Variants in PIK3C3 observed in about 807,000 individuals in gnomAD.
The protein encoded by PIK3C3 is phosphatidylinositol 3-kinase catalytic subunit type 3, also known as PI3-kinase type 3.
Under a neutral mutation model 126.1 loss-of-function variants are expected in PIK3C3, and 95 were observed. The observed-to-expected ratio is 0.75, with a 90% CI of 0.64 to 0.89. The LOEUF (loss-of-function observed/expected upper bound fraction) is 0.89, where lower values mean the gene tolerates loss of function less well. Ranked by LOEUF, PIK3C3 falls within the 40% of genes least tolerant of loss-of-function variation. The pLI, the probability that PIK3C3 is intolerant of heterozygous loss-of-function variation, is 0.00. For missense variants in PIK3C3, 829 were observed against 1,063.2 expected, an observed-to-expected ratio of 0.78 and a Z score of 3.06; for synonymous variants, 374 against 360.0, an observed-to-expected ratio of 1.04 and a Z score of -0.44.
At position 42,035,062 on chromosome 18, in the gene PIK3C3, A is replaced by G. The variant is rs559893006; in HGVS notation, c.1839+1105A>G. ...AATTTTTAAATGTTGCTTACAACCT[A>G]TTGGTTTTAAAACTCTCTAACAGAT... On this transcript the variant is annotated intron_variant, in intron 16 of 24. Coordinates refer to ENST00000262039, the MANE Select transcript of PIK3C3 (RefSeq NM_002647.4). 6.9e-4 allele frequency among the ~76,000 whole-genome samples: 105 copies of G among 152,158 alleles called. 1 individual carries two copies. Among genetic ancestry groups the G allele is most frequent in the Non-Finnish European group, 1.2e-3 (81 of 68,012 alleles).
At chr18:42,030,549 AAG>A (rs1983775356) in intron 15 of PIK3C3, among the ~76,000 whole-genome samples, 1 of 152,184 alleles carries the variant, frequency 6.6e-6, no homozygotes, top group South Asian at 2.1e-4. Context: ...ATCAGGTCTA[AAG>A]AGAAATGCTA....
intron 4 of PIK3C3, among the ~76,000 whole-genome samples, chr18:41,981,175 C>T (rs1981181473): frequency 6.6e-6 from 1 of 152,082 alleles, no homozygotes; most frequent in African/African-American, 2.4e-5. Context: ...ATTTTTAATG[C>T]TACCTTCTGT....
chr18:42,080,290 T>G (rs1986202614), intron 24 of PIK3C3, among the ~76,000 whole-genome samples: 1 of 152,146 alleles, frequency 6.6e-6, no homozygotes, highest in African/African-American at 2.4e-5. Flanking sequence ...TTTTCTAGAG[T>G]GACACTTTAA....
At chr18:42,045,625 G>A (rs886137632) in intron 20 of PIK3C3, among the ~76,000 whole-genome samples, 1 of 152,132 alleles carries the variant, frequency 6.6e-6, no homozygotes, top group Non-Finnish European at 1.5e-5. Context: ...TGGGAAGCTG[G>A]TACTATATCA....
intron 15 of PIK3C3, among the ~76,000 whole-genome samples, chr18:42,033,000 C>T (rs1260958921): frequency 6.6e-6 from 1 of 152,178 alleles, no homozygotes; most frequent in South Asian, 2.1e-4. Context: ...AGCACTTCAA[C>T]TTCCCAGTAG....
intron 14 of PIK3C3, among the ~76,000 whole-genome samples, chr18:42,028,651 G>A (rs1050938899): frequency 1.3e-5 from 2 of 152,026 alleles, no homozygotes; most frequent in Non-Finnish European, 2.9e-5. Flanking sequence ...CTCTAATCTC[G>A]TTTCTGTTAC....
intron 21 of PIK3C3, among the ~76,000 whole-genome samples, chr18:42,052,274 G>A (rs1368866411): frequency 6.6e-6 from 1 of 152,100 alleles, no homozygotes; most frequent in Non-Finnish European, 1.5e-5. Context: ...AATGGAAATT[G>A]AATTAAATTT....
chr18:41,989,910 G>T (rs1952965774), intron 5 of PIK3C3, among the ~76,000 whole-genome samples: 1 of 152,036 alleles, frequency 6.6e-6, no homozygotes, highest in Non-Finnish European at 1.5e-5. Flanking sequence ...TTAAAGTGTG[G>T]ATAAAAATTT....
chr18:42,007,012 C>A (rs369920998), intron 10 of PIK3C3, among the ~76,000 whole-genome samples: 1 of 151,806 alleles, frequency 6.6e-6, no homozygotes, highest in African/African-American at 2.4e-5. Context: ...TGCAGGTGCC[C>A]GCCACCACCC....
chr18:41,995,931 T>G lies in PIK3C3; in HGVS notation c.828T>G (p.Ser276Arg), dbSNP rs767104206. 6.2e-7 allele frequency: 1 copy of G among 1,613,214 alleles called. No homozygotes were observed. Among genetic ancestry groups the G allele is most frequent in the Non-Finnish European group, 8.5e-7 (1 of 1,179,424 alleles). ...VESKHHKLAR[S>R]LRSGPSDHDL... The stretch of plus-strand genomic sequence containing the variant: ...GCAAACACCACAAGCTTGCCCGGAG[T>G]TTAAGAAGTGGACCTTCTGACCACG... The change falls in exon 8 of 25, where the codon AGT (serine) becomes AGG (arginine). Residue 276 changes from serine (S) to arginine (R), a missense_variant. Coordinates refer to ENST00000262039, the MANE Select transcript of PIK3C3 (RefSeq NM_002647.4).
At chr18:42,019,076 A>G (rs912709666) in intron 12 of PIK3C3, among the ~76,000 whole-genome samples, 5 of 152,086 alleles carry the variant, frequency 3.3e-5, no homozygotes, top group African/African-American at 1.2e-4. Context: ...AATGGAAACA[A>G]TAGAAACCAC....
At chr18:42,077,295 T>G (rs1986067932) in intron 24 of PIK3C3, among the ~76,000 whole-genome samples, 1 of 152,240 alleles carries the variant, frequency 6.6e-6, no homozygotes, top group East Asian at 1.9e-4. Context: ...TGTAAATCTG[T>G]GAAGTTTGCC....
chr18:42,029,475 G>C, intron 15 of PIK3C3, 34 bp downstream of exon 15: 1 of 1,096,098 alleles, frequency 9.1e-7, no homozygotes, highest in Non-Finnish European at 1.4e-6. Context: ...GTTCCTAATA[G>C]CATCTTGGCA....
intron 6 of PIK3C3, among the ~76,000 whole-genome samples, chr18:41,991,529 T>G (rs1981777303): frequency 6.6e-6 from 1 of 152,196 alleles, no homozygotes; most frequent in South Asian, 2.1e-4. Context: ...CAAGCTGATA[T>G]GCAGTGTATT....
At chr18:42,037,078 T>C (rs1984088450) in intron 16 of PIK3C3, among the ~76,000 whole-genome samples, 1 of 152,208 alleles carries the variant, frequency 6.6e-6, no homozygotes. Flanking sequence ...AATATTTTAT[T>C]ATGTATATGC....
Position 42,084,454 on chromosome 18 carries a change from T to C in PIK3C3, c.*3317T>C, listed in dbSNP as rs945792288. The C allele has an allele frequency of 1.3e-5, 2 of 151,818 alleles. No individual in the cohort carries two copies. The highest frequency in any genetic ancestry group is 4.8e-5 in the African/African-American group (2 of 41,374). 9.4% of individuals were successfully genotyped at this position (151,818 alleles called of 1,614,324 possible). A position where few individuals can be genotyped will look rare whatever the true frequency, so the allele number is the denominator to read the frequency against. ...TATACTGATTTGCCAAAATGAGTAA[T>C]TTTGATATATTAATATTTCACTTAT... On this transcript the variant is annotated 3_prime_UTR_variant, in exon 25 of 25. Coordinates refer to ENST00000262039, the MANE Select transcript of PIK3C3 (RefSeq NM_002647.4).
At chr18:42,066,526 C>T (rs1598950484) in intron 23 of PIK3C3, among the ~76,000 whole-genome samples, 1 of 152,084 alleles carries the variant, frequency 6.6e-6, no homozygotes, top group Admixed American at 6.6e-5. Context: ...AAGCATGTGC[C>T]AGTTAAGGGT....
At chr18:42,054,151 TA>T (rs1984939894) in intron 21 of PIK3C3, among the ~76,000 whole-genome samples, 1 of 27,286 alleles carries the variant, frequency 3.7e-5, no homozygotes, top group Non-Finnish European at 7.0e-5. Flanking sequence ...TATATATATA[TA>T]TATATATATA....
intron 9 of PIK3C3, among the ~76,000 whole-genome samples, chr18:42,002,103 G>C (rs1432360543): frequency 6.6e-5 from 10 of 152,174 alleles, no homozygotes; most frequent in African/African-American, 2.4e-4. Flanking sequence ...TCATTTAAAT[G>C]ACAGTAGTAA....
Sources: allele counts gnomAD v4.1 joint callset (sites outside exome capture counted in the v4.1 genomes callset), GRCh38; gene constraint gnomAD v4.1.1; transcripts MANE v1.5; gene names NCBI Gene and HGNC (gene_info 2026-07-23, HGNC 2026-07-21).